CREBBP: variants seen among roughly 807,000 people sequenced by gnomAD.
CREBBP encodes CREB binding lysine acetyltransferase.
A neutral mutation model predicts 265.0 loss-of-function variants in CREBBP; 19 were observed. The ratio of observed to expected loss-of-function variants is 0.07; its 90% confidence interval spans 0.05 to 0.11. CREBBP has a LOEUF of 0.11. Among genes scored for constraint, CREBBP ranks in the 10% least tolerant of loss-of-function variants. The probability of loss-of-function intolerance (pLI) is 1.00; values close to 1 mark genes in which losing one functional copy is unlikely to be tolerated. For missense variants in CREBBP, 2,525 were observed against 3,219.0 expected, an observed-to-expected ratio of 0.78 and a Z score of 5.22; for synonymous variants, 1,457 against 1,223.7, an observed-to-expected ratio of 1.19 and a Z score of -3.98.
Position 3,865,932 on chromosome 16 carries a change from G to A in CREBBP, c.85+13900C>T, listed in dbSNP as rs563879154. Among the ~76,000 whole-genome samples the A allele has an allele frequency of 7.2e-5, 11 of 152,242 alleles. 1 individual carries two copies. The highest frequency in any genetic ancestry group is 2.6e-4 in the African/African-American group (11 of 41,552). On this transcript the variant is annotated intron_variant, in intron 1 of 30. Transcript: ENST00000262367. Reference sequence around the variant, plus strand: ...TTACAGGCGTGAGCCCACCGCGCCCGGCCAAGAAACTGATTTTTTTTTAAG... The same window carrying A: ...TTACAGGCGTGAGCCCACCGCGCCCAGCCAAGAAACTGATTTTTTTTTAAG...
rs2052941393 is a variant in CREBBP, at chr16:3,769,317, G to A, written c.2917C>T (p.Pro973Ser). The A allele has an allele frequency of 6.2e-7, 1 of 1,614,118 alleles. No individual in the cohort carries two copies. Among genetic ancestry groups the A allele is most frequent in the African/African-American group, 1.3e-5 (1 of 75,020 alleles). The change falls in exon 15 of 31, where the codon CCT becomes TCT. Residue 973 changes from proline to serine, a missense_variant. By Grantham distance (74) the Pro-to-Ser change is moderately conservative. Around this residue, in one of 19 missense-constraint regions of CREBBP, gnomAD observed 548 missense variants for 533.0 expected, o/e 1.03. Transcript: ENST00000262367. ...GCGCTGGCCACCGAGGAGGGGGTAG[G>A]GACTCTGTTATCAATGCTGGCTGCT... Reference protein sequence around the residue: ...QAAASIDNRVPTPSSVASAET... With the variant: ...QAAASIDNRVSTPSSVASAET...
intron 1 of CREBBP, among the ~76,000 whole-genome samples, chr16:3,877,356 C>A (rs2055423934): frequency 6.6e-6 from 1 of 152,204 alleles, no homozygotes. Flanking sequence ...AGATCTCTGT[C>A]CATCTCATTA....
chr16:3,847,041 T>C (rs761174512), intron 2 of CREBBP, among the ~76,000 whole-genome samples: 3 of 152,228 alleles, frequency 2.0e-5, no homozygotes, highest in Admixed American at 2.0e-4. Flanking sequence ...CAGGCATTGC[T>C]GCACTAGCAA....
At chr16:3,864,034 C>T (rs527372574) in intron 1 of CREBBP, among the ~76,000 whole-genome samples, 1 of 152,196 alleles carries the variant, frequency 6.6e-6, no homozygotes, top group Non-Finnish European at 1.5e-5. Context: ...CAGCCAAGAA[C>T]AGTCCTGGAG....
chr16:3,872,431 C>T (rs1383575014), intron 1 of CREBBP, among the ~76,000 whole-genome samples: 3 of 152,154 alleles, frequency 2.0e-5, no homozygotes, highest in African/African-American at 7.2e-5. Context: ...AGCACGGCCC[C>T]AGGGAAAGGA....
At position 3,729,134 on chromosome 16, in the gene CREBBP, G is replaced by A. The variant is rs1281932803; in HGVS notation, c.5913C>T (p.His1971=). The change falls in exon 31 of 31, where the codon CAC becomes CAT. Residue 1971 remains histidine (H), a synonymous_variant. Coordinates refer to ENST00000262367, the MANE Select transcript of CREBBP (RefSeq NM_004380.3). ...QIEREAQQQQ[H]LYRVNINNSM... is the part of the protein sequence containing the mutation. The stretch of plus-strand genomic sequence containing the variant: ...TGTTGTTGATGTTCACCCGGTACAG[G>A]TGCTGCTGCTGCTGGGCCTCACGCT... The A allele has an allele frequency of 3.8e-6, 6 of 1,570,876 alleles. No homozygotes were observed. In the Admixed American group the frequency reaches 5.4e-5, roughly 14 times the overall value.
rs2051768714 is a variant in CREBBP at position 3,727,276 on chromosome 16, T to C, written c.*442A>G. 1 of 266,110 alleles carries C rather than the reference T, an allele frequency of 3.8e-6. No homozygotes were observed. Among genetic ancestry groups the C allele is most frequent in the Non-Finnish European group, 7.2e-6 (1 of 138,716 alleles). The allele number at this position is 266,110 out of a possible 1,614,324, so 16.5% of individuals were successfully genotyped here. On this transcript the variant is annotated 3_prime_UTR_variant, in exon 31 of 31. Coordinates refer to ENST00000262367, the MANE Select transcript of CREBBP (RefSeq NM_004380.3). Reference sequence around the variant, plus strand: ...AAAGTTATCGGGATACATTATAAGCTTGCATTATTTCAGGAATCAGTTCTG... The same window carrying C: ...AAAGTTATCGGGATACATTATAAGCCTGCATTATTTCAGGAATCAGTTCTG...
chr16:3,794,307 G>A (rs1040242679), intron 3 of CREBBP, among the ~76,000 whole-genome samples: 1 of 115,872 alleles, frequency 8.6e-6, no homozygotes, highest in Admixed American at 1.2e-4. Context: ...ACTCCAGCCT[G>A]GGCGACAGAT....
At chr16:3,749,858 G>T (rs893871688) in intron 20 of CREBBP, among the ~76,000 whole-genome samples, 175 bp from the exon 21 acceptor site, 1 of 152,140 alleles carries the variant, frequency 6.6e-6, no homozygotes, top group Non-Finnish European at 1.5e-5. Flanking sequence ...TAATTTCGTA[G>T]AACACTACAA....
chr16:3,752,690 T>C (rs2052501020), intron 19 of CREBBP, among the ~76,000 whole-genome samples: 1 of 152,218 alleles, frequency 6.6e-6, no homozygotes, highest in South Asian at 2.1e-4. Flanking sequence ...TTTGACATTT[T>C]TGGTACTGGG....
chr16:3,862,998 A>C (rs2055108533), intron 1 of CREBBP, among the ~76,000 whole-genome samples: 1 of 152,182 alleles, frequency 6.6e-6, no homozygotes, highest in Admixed American at 6.5e-5. Context: ...AACATGATGA[A>C]CTTCAAAGTT....
intron 2 of CREBBP, among the ~76,000 whole-genome samples, chr16:3,822,066 A>G: frequency 6.6e-6 from 1 of 152,248 alleles, no homozygotes; most frequent in East Asian, 1.9e-4. Context: ...CACACACACA[A>G]AAGAGTGAAT....
chr16:3,729,307 C>T lies in CREBBP; in HGVS notation c.5740G>A (p.Val1914Met), dbSNP rs760771706. Reference sequence around the variant, plus strand: ...GGGAAGCCAGCTGGTGACATGCTCACGGGTGAGGGTTGGGGCTGGGCAGGG... The same window carrying T: ...GGGAAGCCAGCTGGTGACATGCTCATGGGTGAGGGTTGGGGCTGGGCAGGG... ...QPPAQPQPSP[V>M]SMSPAGFPSV... Residue 1914 changes from valine (V) to methionine (M), a missense_variant, in exon 31 of 31, where the codon GTG (valine) becomes ATG (methionine). Physicochemically the swap from Val to Met is conservative, Grantham distance 21. Coordinates refer to ENST00000262367, the MANE Select transcript of CREBBP (RefSeq NM_004380.3). The T allele has an allele frequency of 9.7e-6, 15 of 1,548,812 alleles. No individual in the cohort carries two copies. Among genetic ancestry groups the T allele is most frequent in the East Asian group, 2.4e-5 (1 of 41,612 alleles).
chr16:3,736,615 G>A lies in CREBBP; in HGVS notation c.4560+35C>T, dbSNP rs769360167. On this transcript the variant is annotated intron_variant, in intron 27 of 30. Coordinates refer to ENST00000262367, the MANE Select transcript of CREBBP (RefSeq NM_004380.3). ...ACACAAATATCCTCCCCTCAGTTGT[G>A]ACAAAAGCCACCACCTTCCTTCAGC... 1.9e-6 allele frequency: 3 copies of A among 1,614,028 alleles called. No homozygotes were observed. In the African/African-American group the frequency reaches 4.0e-5, roughly 22 times the overall value.
intron 1 of CREBBP, among the ~76,000 whole-genome samples, chr16:3,865,536 T>C (rs1046145145): frequency 1.3e-5 from 2 of 152,318 alleles, no homozygotes; most frequent in African/African-American, 4.8e-5. Context: ...CTTCCAGTGG[T>C]TACCTGGGAG....
chr16:3,855,999 CTA>C (rs1436054705), intron 1 of CREBBP, among the ~76,000 whole-genome samples: 1 of 152,238 alleles, frequency 6.6e-6, no homozygotes, highest in East Asian at 1.9e-4. Context: ...ATCCTAATTA[CTA>C]TGATTTGCTC....
Position 3,728,638 on chromosome 16 carries a change from G to A in CREBBP, c.6409C>T (p.Pro2137Ser), listed in dbSNP as rs2151304158. 6.2e-7 allele frequency: 1 copy of A among 1,613,692 alleles called. No individual in the cohort carries two copies. Residue 2137 changes from proline to serine, a missense_variant, in exon 31 of 31, where the codon CCC becomes TCC. Around this residue, in one of 19 missense-constraint regions of CREBBP, gnomAD observed 473 missense variants for 459.3 expected, o/e 1.03. Coordinates refer to ENST00000262367, the MANE Select transcript of CREBBP (RefSeq NM_004380.3). This position sits in a 1 kb window ranked among gnomAD's most constrained non-coding sequence, Gnocchi z 8.7. ...ATGGCATTCAGGTTCTGCAGGCTGG[G>A]CTGCTGGTGCATGCCAGGCTGGGGT... ...MQPQPGMHQQPSLQNLNAMQA... is the reference protein window; with the variant it reads ...MQPQPGMHQQSSLQNLNAMQA...
At chr16:3,862,841 G>A (rs2055104926) in intron 1 of CREBBP, among the ~76,000 whole-genome samples, 1 of 152,266 alleles carries the variant, frequency 6.6e-6, no homozygotes, top group African/African-American at 2.4e-5. Flanking sequence ...TCTTTTCTCA[G>A]TGTCCTTTCC....
intron 2 of CREBBP, among the ~76,000 whole-genome samples, chr16:3,838,323 A>G (rs981966004): frequency 6.6e-6 from 1 of 152,196 alleles, no homozygotes; most frequent in Non-Finnish European, 1.5e-5. Flanking sequence ...CTAGGTGTGT[A>G]ACAGGCTATG....
Sources: gnomAD v4.1 joint callset for allele counts (sites outside exome capture counted in the v4.1 genomes callset) on GRCh38, gnomAD v4.1.1 for gene constraint, gnomAD v4.1.1 regional missense constraint, Gnocchi (gnomAD v3.1) non-coding constraint, MANE v1.5 for transcripts, NCBI Gene and HGNC (gene_info 2026-07-23, HGNC 2026-07-21) for gene names.